Variants in NARS1 observed in about 807,000 individuals in gnomAD.
The protein encoded by NARS1 is asparagine--tRNA ligase, cytoplasmic.
NARS1 carries 65 observed loss-of-function variants against 79.2 expected under a neutral mutation model. The observed-to-expected ratio is 0.82, with a 90% CI of 0.67 to 1.01. NARS1 has a LOEUF of 1.01. Ranked by LOEUF, NARS1 falls within the 50% of genes least tolerant of loss-of-function variation. NARS1 has a pLI of 0.00. For synonymous variants in NARS1, 229 were observed against 238.8 expected (o/e 0.96, Z 0.38); for missense variants, 649 against 673.8 (o/e 0.96, Z 0.41).
rs1599037586 is a variant in NARS1 at position 57,613,646 on chromosome 18, T to C, written c.377A>G (p.Gln126Arg). 1.2e-6 allele frequency: 2 copies of C among 1,614,208 alleles called. No homozygotes were observed. The highest frequency in any genetic ancestry group is 2.2e-5 in the East Asian group (1 of 44,894). The change falls in exon 5 of 14, where the codon CAA becomes CGA. Residue 126 changes from glutamine (Q) to arginine (R), a missense_variant. Transcript: ENST00000256854. ...GACCCAGCCAAACACCTTTACTCTT[T>C]GGCCTCTATATCCTTCTAACGCACC... is the stretch of plus-strand genomic sequence containing the variant. ...KIGALEGYRG[Q>R]RVKVFGWVHR...
At chr18:57,614,139 G>C (rs1479185979) in intron 4 of NARS1, among the ~76,000 whole-genome samples, 4 of 152,120 alleles carry the variant, frequency 2.6e-5, no homozygotes, top group South Asian at 2.1e-4. Flanking sequence ...AGGGGCTGTT[G>C]CATGTGGCCA....
At position 57,611,563 on chromosome 18, in the gene NARS1, A is replaced by G. The variant is rs1023340100; in HGVS notation, c.492+74T>C. 1.7e-5 allele frequency: 17 copies of G among 987,790 alleles called. No homozygotes were observed. In the Admixed American group the frequency reaches 2.9e-4, roughly 17 times the overall value. 61.2% of individuals were successfully genotyped at this position (987,790 alleles called of 1,614,324 possible). On this transcript the variant is annotated intron_variant, in intron 6 of 13. Coordinates refer to ENST00000256854, the MANE Select transcript of NARS1 (RefSeq NM_004539.4). ...TGTCGACATAATAAATGTTTTAAATAAATGTATACAAAACAATAAAGGAAT... is the reference window on the plus strand; with the variant it reads ...TGTCGACATAATAAATGTTTTAAATGAATGTATACAAAACAATAAAGGAAT...
chr18:57,616,443 A>C (rs1021287211), intron 2 of NARS1, among the ~76,000 whole-genome samples: 20 of 151,506 alleles, frequency 1.3e-4, no homozygotes, highest in African/African-American at 1.9e-4. Context: ...AAAAAAAAAG[A>C]AGCACACTGG....
At chr18:57,611,585 G>C (rs965976862) in intron 6 of NARS1, 52 bp downstream of exon 6, 2 of 1,179,908 alleles carry the variant, frequency 1.7e-6, no homozygotes, top group African/African-American at 1.6e-5. Context: ...AACAATAAAG[G>C]AATCTACTGA....
At chr18:57,621,366 C>T (rs1320536360) in intron 1 of NARS1, among the ~76,000 whole-genome samples, 1 of 151,942 alleles carries the variant, frequency 6.6e-6, no homozygotes, top group East Asian at 1.9e-4. Flanking sequence ...CTGACGATCA[C>T]TTTGAAGAAC....
At chr18:57,608,532 C>T (rs1397619353) in intron 7 of NARS1, among the ~76,000 whole-genome samples, 2 of 151,278 alleles carry the variant, frequency 1.3e-5, no homozygotes, top group East Asian at 3.9e-4. Flanking sequence ...TTTTTATTTC[C>T]ATCTGGCTGA....
chr18:57,606,637 G>A lies in NARS1; in HGVS notation c.1116C>T (p.Ser372=). The change falls in exon 10 of 14, where the codon AGC becomes AGT. Residue 372 remains serine (S), a synonymous_variant. Coordinates refer to ENST00000256854, the MANE Select transcript of NARS1 (RefSeq NM_004539.4). ...CTACCGGGTTGAGCTCATGCACTAT[G>A]CTCCCTGCAGGTGACTTCAATATTC... ...VDRILKSPAG[S]IVHELNPNFQ... 1 of 1,613,934 alleles carries A rather than the reference G, an allele frequency of 6.2e-7. No homozygotes were observed. The highest frequency in any genetic ancestry group is 1.7e-5 in the Admixed American group (1 of 60,008).
Position 57,601,705 on chromosome 18 carries a change from G to A in NARS1, c.1594C>T (p.His532Tyr). The change falls in exon 14 of 14, where the codon CAC becomes TAC. Residue 532 changes from histidine to tyrosine, a missense_variant. By Grantham distance (83) the His-to-Tyr change is moderately conservative. Coordinates refer to ENST00000256854, the MANE Select transcript of NARS1 (RefSeq NM_004539.4). ...GGGTATAAGCACACGTCTCGGATGT[G>A]ATACCTATTCAGAATCCACGTTAAG... ...RFLTWILNRY[H>Y]IRDVCLYPRF... 6.2e-7 allele frequency: 1 copy of A among 1,613,712 alleles called. No homozygotes were observed. The highest frequency in any genetic ancestry group is 8.5e-7 in the Non-Finnish European group (1 of 1,179,652).
intron 11 of NARS1, among the ~76,000 whole-genome samples, chr18:57,605,605 C>T (rs1283357368): frequency 1.7e-5 from 2 of 115,830 alleles, no homozygotes; most frequent in Non-Finnish European, 3.5e-5. Flanking sequence ...AGCGAGACTC[C>T]GTCTCAAAAA....
At chr18:57,606,067 A>G in intron 10 of NARS1, 97 bp from the exon 11 acceptor site, 1 of 786,764 alleles carries the variant, frequency 1.3e-6, no homozygotes, top group Non-Finnish European at 2.0e-6. Flanking sequence ...GTATTACTTC[A>G]GTGAGGTGTG....
intron 6 of NARS1, 83 bp downstream of exon 6, chr18:57,611,554 G>T: frequency 1.1e-6 from 1 of 921,810 alleles, no homozygotes; most frequent in Non-Finnish European, 1.6e-6. Flanking sequence ...CATAATAAAT[G>T]TTTTAAATAA....
intron 6 of NARS1, among the ~76,000 whole-genome samples, chr18:57,610,848 CA>C (rs1269608470): frequency 6.6e-6 from 1 of 151,758 alleles, no homozygotes; most frequent in East Asian, 1.9e-4. Context: ...AATCCTCGTT[CA>C]AATCAATCAA....
intron 11 of NARS1, among the ~76,000 whole-genome samples, chr18:57,604,722 T>A (rs890379719): frequency 2.6e-5 from 4 of 152,066 alleles, no homozygotes; most frequent in African/African-American, 9.7e-5. Context: ...AGACGCCATC[T>A]CTACAAATAA....
chr18:57,619,982 C>A (rs1433952874), intron 2 of NARS1, among the ~76,000 whole-genome samples: 1 of 152,200 alleles, frequency 6.6e-6, no homozygotes, highest in Admixed American at 6.5e-5. Context: ...GCCACCACAC[C>A]AGGCCTGAGT....
rs1260395421 is a variant in NARS1, at chr18:57,608,447, A to AAC, written c.580-783_580-782insGT. Among the ~76,000 whole-genome samples, 6 of 151,338 alleles carry AAC rather than the reference A, an allele frequency of 4.0e-5. No homozygotes were observed. The South Asian group carries it at 6.3e-4, about 16-fold the overall frequency. ...AGCGAAACTCCGTCTCAAAAAAAAA[A>AAC]AAAAAAAAAAACAATAAAAACAGGC... is the stretch of plus-strand genomic sequence containing the variant. On this transcript the variant is annotated intron_variant, in intron 7 of 13. Transcript: ENST00000256854.
chr18:57,606,543 A>T, intron 10 of NARS1, 73 bp downstream of exon 10: 4 of 1,467,152 alleles, frequency 2.7e-6, no homozygotes, highest in Non-Finnish European at 3.7e-6. Context: ...AATCTACAAA[A>T]ACTGAGGGTG....
intron 4 of NARS1, 44 bp from the exon 5 acceptor site, chr18:57,613,724 A>C (rs1306586043): frequency 3.3e-6 from 5 of 1,501,126 alleles, no homozygotes. Context: ...AATGTCATTT[A>C]TACACACCAA....
intron 12 of NARS1, 125 bp from the exon 13 acceptor site, chr18:57,602,611 A>G (rs2051518414): frequency 1.0e-5 from 13 of 1,270,226 alleles, no homozygotes; most frequent in Non-Finnish European, 1.4e-5. Flanking sequence ...TGATCATGTA[A>G]TATTCAAATG....
At chr18:57,618,718 A>G (rs1044371330) in intron 2 of NARS1, among the ~76,000 whole-genome samples, 1 of 152,080 alleles carries the variant, frequency 6.6e-6, no homozygotes, top group Non-Finnish European at 1.5e-5. Flanking sequence ...CCTGGGAAAC[A>G]TAATGAGATC....
Sources: allele counts gnomAD v4.1 joint callset (sites outside exome capture counted in the v4.1 genomes callset), GRCh38; gene constraint gnomAD v4.1.1; transcripts MANE v1.5; gene names NCBI Gene and HGNC (gene_info 2026-07-23, HGNC 2026-07-21).